Variants in KIF14 observed in about 807,000 individuals in gnomAD.
KIF14 encodes kinesin-like protein KIF14.
Under a neutral mutation model 176.2 loss-of-function variants are expected in KIF14, and 98 were observed. The ratio of observed to expected loss-of-function variants is 0.56; its 90% CI spans 0.47 to 0.66. The LOEUF (loss-of-function observed/expected upper bound fraction) is 0.66. Ranked by LOEUF, KIF14 falls within the 30% of genes least tolerant of loss-of-function variation. KIF14 has a pLI of 0.00. For synonymous variants in KIF14, 566 were observed against 632.2 expected, an observed-to-expected ratio of 0.90 and a Z score of 1.57; for missense variants, 1,751 against 1,920.4, an observed-to-expected ratio of 0.91 and a Z score of 1.65.
chr1:200,567,661 T>G (rs925320520), intron 23 of KIF14, among the ~76,000 whole-genome samples: 6 of 152,130 alleles, frequency 3.9e-5, no homozygotes, highest in Non-Finnish European at 8.8e-5. Context: ...TCAGAGCCTC[T>G]GGAAATAACT....
In KIF14 at chr1:200,618,075, T is replaced by A; in HGVS notation, c.649A>T (p.Asn217Tyr). 1 of 1,614,212 alleles carries A rather than the reference T, an allele frequency of 6.2e-7. No homozygotes were observed. Among genetic ancestry groups the A allele is most frequent in the South Asian group, 1.1e-5 (1 of 91,078 alleles). ...NENVALKYSS[N>Y]RPPIASLSQT... ...CTCAGGGAAGCAATGGGTGGTCTAT[T>A]ACTTGAGTACTTAAGTGCAACATTT... The change falls in exon 2 of 30, where the codon AAT (asparagine) becomes TAT (tyrosine). Residue 217 changes from asparagine to tyrosine, a missense_variant. Asn to Tyr is a moderately radical substitution (Grantham distance 143). Coordinates refer to ENST00000367350, the MANE Select transcript of KIF14 (RefSeq NM_014875.3).
intron 27 of KIF14, 61 bp downstream of exon 27, chr1:200,559,269 T>G: frequency 9.1e-7 from 1 of 1,093,784 alleles, no homozygotes; most frequent in Non-Finnish European, 1.2e-6. Flanking sequence ...ATTTGTTGAC[T>G]GAAAAAATCA....
chr1:200,589,358 A>C lies in KIF14; in HGVS notation c.2973T>G (p.Ser991=). 3 of 1,605,856 alleles carry C rather than the reference A, an allele frequency of 1.9e-6. No individual in the cohort carries two copies. The highest frequency in any genetic ancestry group is 2.6e-6 in the Non-Finnish European group (3 of 1,175,864). ...KALEAELREE[S]QRKKMQEINN... ...TTATTTCCTGCATTTTTTTCCTTTG[A>C]GACTCTTCTCTCTTTAAAGAACAAT... Residue 991 remains serine (S), a synonymous_variant, in exon 18 of 30, where the codon TCT becomes TCG. Coordinates refer to ENST00000367350, the MANE Select transcript of KIF14 (RefSeq NM_014875.3).
chr1:200,619,831 T>C (rs1187943334), intron 1 of KIF14, among the ~76,000 whole-genome samples: 1 of 152,224 alleles, frequency 6.6e-6, no homozygotes, highest in Admixed American at 6.5e-5. Context: ...AGACAACAAA[T>C]TAGACAGAGG....
chr1:200,606,656 C>G, intron 6 of KIF14, 90 bp downstream of exon 6: 1 of 1,137,816 alleles, frequency 8.8e-7, no homozygotes, highest in Non-Finnish European at 1.3e-6. Context: ...TTAGGAAGGC[C>G]AATGAGAATA....
At chr1:200,575,158 G>A (rs548705470) in intron 22 of KIF14, among the ~76,000 whole-genome samples, 9 of 151,902 alleles carry the variant, frequency 5.9e-5, no homozygotes, top group East Asian at 1.9e-4. Context: ...GGGTTTCACC[G>A]TGTTAGCCAG....
At position 200,589,373 on chromosome 1, in the gene KIF14, T is replaced by C; in HGVS notation, c.2962-4A>G. 1 of 1,585,142 alleles carries C rather than the reference T, an allele frequency of 6.3e-7. No homozygotes were observed. Among genetic ancestry groups the C allele is most frequent in the Non-Finnish European group, 8.6e-7 (1 of 1,167,084 alleles). ...TTTTCCTTTGAGACTCTTCTCTCTTTAAAGAACAATAATAAAAAATATCTC... is the reference window on the plus strand; with the variant it reads ...TTTTCCTTTGAGACTCTTCTCTCTTCAAAGAACAATAATAAAAAATATCTC... On this transcript the variant is annotated splice_region_variant and splice_polypyrimidine_tract_variant and intron_variant, in intron 17 of 29. Transcript: ENST00000367350.
chr1:200,578,602 G>C lies in KIF14; in HGVS notation c.3465+1652C>G, dbSNP rs146011096. The stretch of plus-strand genomic sequence containing the variant: ...TTTTTTTTAATTAAAAGAAAATGCA[G>C]GGGTTGTACAATGTTTAAGTAAGAT... On this transcript the variant is annotated intron_variant, in intron 21 of 29. Coordinates refer to ENST00000367350, the MANE Select transcript of KIF14 (RefSeq NM_014875.3). 8.0e-3 allele frequency among the ~76,000 whole-genome samples: 1,218 copies of C among 151,410 alleles called. 11 individuals carry two copies. Among genetic ancestry groups the C allele is most frequent in the African/African-American group, 0.026 (1,092 of 41,264 alleles).
At chr1:200,599,355 C>G (rs981132997) in intron 13 of KIF14, among the ~76,000 whole-genome samples, 5 of 152,200 alleles carry the variant, frequency 3.3e-5, no homozygotes, top group Non-Finnish European at 7.3e-5. Flanking sequence ...CTAAAGACAA[C>G]TCAAACTTTT....
In KIF14 at chr1:200,617,711, T is replaced by A. The variant is rs1158686014; in HGVS notation, c.1013A>T (p.Glu338Val). ...RSAENTILPE[E>V]ETVVQNTSAG... ...AGAGGTGTTCTGAACTACAGTTTCT[T>A]CTTCGGGAAGAATTGTATTTTCTGC... The change falls in exon 2 of 30, where the codon GAA (glutamate) becomes GTA (valine). Residue 338 changes from glutamate to valine, a missense_variant. Transcript: ENST00000367350. The A allele has an allele frequency of 6.2e-7, 1 of 1,614,118 alleles. No individual in the cohort carries two copies. Among genetic ancestry groups the A allele is most frequent in the African/African-American group, 1.3e-5 (1 of 74,950 alleles).
rs762140374 is a variant in KIF14, at chr1:200,617,897, C to A, written c.827G>T (p.Arg276Ile). 6.2e-7 allele frequency: 1 copy of A among 1,614,008 alleles called. No homozygotes were observed. The highest frequency in any genetic ancestry group is 8.5e-7 in the Non-Finnish European group (1 of 1,179,986). ...TSNKFGSLEK[R>I]TPTKCTTEHK... ...TTCTGTTGTACATTTTGTAGGTGTT[C>A]TTTTTTCTAAGCTCCCAAATTTATT... Residue 276 changes from arginine (R) to isoleucine (I), a missense_variant, in exon 2 of 30, where the codon AGA becomes ATA. Arg to Ile is a moderately conservative substitution (Grantham distance 97). Coordinates refer to ENST00000367350, the MANE Select transcript of KIF14 (RefSeq NM_014875.3).
chr1:200,578,840 C>T (rs745680890), intron 21 of KIF14, among the ~76,000 whole-genome samples: 2 of 152,090 alleles, frequency 1.3e-5, no homozygotes, highest in Non-Finnish European at 2.9e-5. Context: ...ACCTGTAATC[C>T]CAGCACTTTG....
chr1:200,615,282 A>G (rs528752016), intron 3 of KIF14, 73 bp downstream of exon 3: 2 of 1,388,526 alleles, frequency 1.4e-6, no homozygotes, highest in Non-Finnish European at 2.0e-6. Flanking sequence ...TATTCTTTCT[A>G]TCACCCCTAT....
intron 18 of KIF14, among the ~76,000 whole-genome samples, chr1:200,586,788 T>TATATATATATATATATATATATATAC (rs1658767322): frequency 2.3e-5 from 1 of 43,310 alleles, no homozygotes; most frequent in Non-Finnish European, 4.3e-5. Context: ...TATATATACA[T>TATATATATATATATATATATATATAC]ACATATATAT....
chr1:200,593,621 A>T (rs769238636), intron 15 of KIF14, 46 bp downstream of exon 15: 2 of 1,193,380 alleles, frequency 1.7e-6, no homozygotes, highest in Non-Finnish European at 2.5e-6. Flanking sequence ...TAAATGACTT[A>T]TCCAAAGTCG....
rs866870585 is a variant in KIF14 at position 200,590,801 on chromosome 1, G to A, written c.2814-529C>T. On this transcript the variant is annotated intron_variant, in intron 16 of 29. Coordinates refer to ENST00000367350, the MANE Select transcript of KIF14 (RefSeq NM_014875.3). The stretch of plus-strand genomic sequence containing the variant: ...GCACTTTGGGAGGCCAAGGCAGGTG[G>A]ACTGCTTGAGCTCAGGAGTTCGAGA... 1.6e-4 allele frequency among the ~76,000 whole-genome samples: 25 copies of A among 152,198 alleles called. 1 individual carries two copies. Among genetic ancestry groups the A allele is most frequent in the Non-Finnish European group, 1.3e-4 (9 of 68,034 alleles).
chr1:200,580,474 A>C, intron 20 of KIF14, 91 bp from the exon 21 acceptor site: 1 of 703,442 alleles, frequency 1.4e-6, no homozygotes, highest in South Asian at 5.2e-5. Context: ...ATTTCCCTAA[A>C]AATTCCATCC....
intron 4 of KIF14, among the ~76,000 whole-genome samples, chr1:200,612,064 A>G (rs1660183435): frequency 6.6e-6 from 1 of 150,748 alleles, no homozygotes; most frequent in South Asian, 2.1e-4. Flanking sequence ...GTACAGTGGC[A>G]TGATCTCAGC....
At chr1:200,591,972 T>C (rs1659077007) in intron 16 of KIF14, 108 bp downstream of exon 16, 2 of 907,958 alleles carry the variant, frequency 2.2e-6, no homozygotes, top group Non-Finnish European at 3.3e-6. Flanking sequence ...ATTATATCAC[T>C]AGAAACCAGC....
Sources: gnomAD v4.1 joint callset for allele counts (sites outside exome capture counted in the v4.1 genomes callset) on GRCh38, gnomAD v4.1.1 for gene constraint, MANE v1.5 for transcripts, NCBI Gene and HGNC (gene_info 2026-07-23, HGNC 2026-07-21) for gene names.